The following TRPM6 variants were observed in gnomAD, a reference collection of about 807,000 sequenced individuals.
The protein encoded by TRPM6 is channel kinase 2.
In TRPM6, 111 loss-of-function variants were observed where a neutral mutation model predicts 247.6. That is an observed-to-expected ratio of 0.45 (90% confidence interval 0.38 to 0.52). The LOEUF (loss-of-function observed/expected upper bound fraction) is 0.52. Ranked by LOEUF, TRPM6 falls within the 20% of genes least tolerant of loss-of-function variation. The pLI, the probability that TRPM6 is intolerant of heterozygous loss-of-function variation, is 0.00. For synonymous variants in TRPM6, 892 were observed against 853.8 expected, an observed-to-expected ratio of 1.04 and a Z score of -0.78; for missense variants, 2,126 against 2,421.5, an observed-to-expected ratio of 0.88 and a Z score of 2.56.
intron 2 of TRPM6, 95 bp downstream of exon 2, chr9:74,858,574 A>T (rs1830598387): frequency 4.0e-6 from 3 of 750,200 alleles, no homozygotes; most frequent in Non-Finnish European, 2.2e-6. Context: ...TATAGATATG[A>T]TCAAAACTTC....
intron 8 of TRPM6, among the ~76,000 whole-genome samples, chr9:74,820,906 T>A (rs1429987972): frequency 6.6e-6 from 1 of 151,950 alleles, no homozygotes; most frequent in Non-Finnish European, 1.5e-5. Context: ...CCTAAAAGGT[T>A]TAATAACCAC....
intron 31 of TRPM6, among the ~76,000 whole-genome samples, chr9:74,744,467 G>A (rs1349090014): frequency 6.6e-6 from 1 of 152,062 alleles, no homozygotes; most frequent in African/African-American, 2.4e-5. Context: ...CATACTTCAC[G>A]ACATCCCAGA....
chr9:74,817,152 G>A (rs188187832), intron 9 of TRPM6, among the ~76,000 whole-genome samples, 188 bp from the exon 10 acceptor site: 3 of 152,094 alleles, frequency 2.0e-5, no homozygotes, highest in African/African-American at 4.8e-5. Flanking sequence ...ACTTGGGGGG[G>A]AAAAAACTAA....
intron 1 of TRPM6, among the ~76,000 whole-genome samples, chr9:74,879,893 C>A (rs1017653351): frequency 6.6e-6 from 1 of 152,172 alleles, no homozygotes; most frequent in African/African-American, 2.4e-5. Context: ...GTCATGGGAA[C>A]CCCAACTTGA....
At position 74,762,770 on chromosome 9, in the gene TRPM6, G is replaced by T. The variant is rs1419151805; in HGVS notation, c.3901C>A (p.Leu1301Ile). Residue 1301 changes from leucine (L) to isoleucine (I), a missense_variant, in exon 26 of 39, where the codon CTT becomes ATT. Physicochemically the swap from Leu to Ile is conservative, Grantham distance 5. Coordinates refer to ENST00000360774, the MANE Select transcript of TRPM6 (RefSeq NM_017662.5). ...TCTCTTTTACTGTTTGTAATCTCAA[G>T]AAGTGCCCCCCTCTGCACTCTTGGG... Reference protein sequence around the residue: ...HPPRVQRGALLEITNSKREAT... With the variant: ...HPPRVQRGALIEITNSKREAT... 4 of 1,614,096 alleles carry T rather than the reference G, an allele frequency of 2.5e-6. No individual in the cohort carries two copies. The highest frequency in any genetic ancestry group is 2.5e-6 in the Non-Finnish European group (3 of 1,180,028).
chr9:74,774,636 G>A (rs1345282788), intron 24 of TRPM6, among the ~76,000 whole-genome samples: 6 of 152,060 alleles, frequency 3.9e-5, no homozygotes, highest in Admixed American at 6.6e-5. Context: ...TAAATAGCCC[G>A]CTATCCCCTT....
intron 1 of TRPM6, among the ~76,000 whole-genome samples, chr9:74,886,460 TCA>T (rs1246759276): frequency 1.3e-5 from 2 of 152,036 alleles, no homozygotes; most frequent in African/African-American, 4.8e-5. Context: ...GAACAAATAA[TCA>T]CAAATGATGT....
intron 31 of TRPM6, among the ~76,000 whole-genome samples, chr9:74,744,689 T>C (rs1412913729): frequency 6.6e-6 from 1 of 152,222 alleles, no homozygotes; most frequent in Non-Finnish European, 1.5e-5. Context: ...TGGGAACACC[T>C]CTTCCAAGTT....
At position 74,724,623 on chromosome 9, in the gene TRPM6, A is replaced by G. The variant is rs1257246168; in HGVS notation, c.6059T>C (p.Met2020Thr). 1.1e-5 allele frequency: 17 copies of G among 1,614,046 alleles called. No homozygotes were observed. In the East Asian group the frequency reaches 2.5e-4, roughly 23 times the overall value. The change falls in exon 39 of 39, where the codon ATG (methionine) becomes ACG (threonine). Residue 2020 changes from methionine to threonine, a missense_variant. By Grantham distance (81) the Met-to-Thr change is moderately conservative. Transcript: ENST00000360774. The part of the protein sequence containing the change: ...ETGRNSPEDD[M>T]QL ...CTTGCTCCTCCCTTTTTATAGTTGC[A>G]TATCATCTTCTGGGGAATTTCTACC...
chr9:74,802,670 T>C (rs1456241162), intron 15 of TRPM6, among the ~76,000 whole-genome samples: 4 of 152,220 alleles, frequency 2.6e-5, no homozygotes, highest in African/African-American at 7.2e-5. Context: ...ACTTAGCAAA[T>C]AGATTCATTA....
chr9:74,843,700 A>T (rs1244205716), intron 3 of TRPM6, among the ~76,000 whole-genome samples: 2 of 151,730 alleles, frequency 1.3e-5, no homozygotes, highest in Non-Finnish European at 1.5e-5. Flanking sequence ...CTGTAATCCC[A>T]GCTACTTGGG....
intron 8 of TRPM6, among the ~76,000 whole-genome samples, 153 bp from the exon 9 acceptor site, chr9:74,820,580 A>C (rs541914308): frequency 6.6e-6 from 1 of 152,316 alleles, no homozygotes; most frequent in South Asian, 2.1e-4. Flanking sequence ...AAACGGAAGC[A>C]GGAGCTCAAG....
intron 25 of TRPM6, among the ~76,000 whole-genome samples, chr9:74,769,243 T>TCA (rs1826932251): frequency 6.6e-6 from 1 of 152,116 alleles, no homozygotes; most frequent in South Asian, 2.1e-4. Flanking sequence ...CCTCCTGGGT[T>TCA]CATGTGATTC....
intron 6 of TRPM6, among the ~76,000 whole-genome samples, chr9:74,832,429 T>C (rs1829578780): frequency 6.6e-6 from 1 of 152,200 alleles, no homozygotes; most frequent in Non-Finnish European, 1.5e-5. Context: ...AAAAACATTA[T>C]GAGGCAATGA....
At chr9:74,731,422 A>G (rs979984671) in intron 37 of TRPM6, among the ~76,000 whole-genome samples, 21 of 152,030 alleles carry the variant, frequency 1.4e-4, no homozygotes, top group African/African-American at 4.1e-4. Context: ...CTTTATGTAT[A>G]TAAGAGTGGT....
intron 25 of TRPM6, among the ~76,000 whole-genome samples, chr9:74,767,086 T>C (rs906703982): frequency 5.9e-5 from 9 of 152,128 alleles, no homozygotes; most frequent in African/African-American, 2.2e-4. Context: ...TAGAGTACCA[T>C]GAAGTACTAA....
At chr9:74,745,462 CGTGTGTGTGT>C (rs377055848) in intron 31 of TRPM6, among the ~76,000 whole-genome samples, 5 of 145,750 alleles carry the variant, frequency 3.4e-5, no homozygotes, top group Non-Finnish European at 7.6e-5. Context: ...TGTGTGTGTG[CGTGTGTGTGT>C]GTGTGTGTGT....
rs147702192 is a variant in TRPM6, at chr9:74,834,868, G to T, written c.545-746C>A. On this transcript the variant is annotated intron_variant, in intron 5 of 38. Transcript: ENST00000360774. Reference sequence around the variant, plus strand: ...ACATTTGAGTTGGTTCCAAGTCTTTGCTATTGTGAATAGTGCCGCAATAAA... The same window carrying T: ...ACATTTGAGTTGGTTCCAAGTCTTTTCTATTGTGAATAGTGCCGCAATAAA... Among the ~76,000 whole-genome samples, 1,359 of 152,110 alleles carry T rather than the reference G, an allele frequency of 8.9e-3. 7 individuals carry two copies. The highest frequency in any genetic ancestry group is 0.014 in the Non-Finnish European group (980 of 68,000).
chr9:74,844,396 A>C (rs2118224304), intron 3 of TRPM6, among the ~76,000 whole-genome samples: 1 of 152,330 alleles, frequency 6.6e-6, no homozygotes, highest in African/African-American at 2.4e-5. Context: ...CTCATCAATA[A>C]TCTTAGCTAG....
Sources: gnomAD v4.1 joint callset for allele counts (sites outside exome capture counted in the v4.1 genomes callset) on GRCh38, gnomAD v4.1.1 for gene constraint, MANE v1.5 for transcripts, NCBI Gene and HGNC (gene_info 2026-07-23, HGNC 2026-07-21) for gene names.